The following DYNC2H1 variants were observed in gnomAD, a reference collection of about 807,000 sequenced individuals.
DYNC2H1 encodes dynein cytoplasmic 2 heavy chain 1.
In DYNC2H1, 410 loss-of-function variants were observed where a neutral mutation model predicts 570.0. The observed-to-expected ratio is 0.72, with a 90% CI of 0.66 to 0.78. The LOEUF is 0.78. Among genes scored for constraint, DYNC2H1 ranks in the 30% least tolerant of loss-of-function variants. The pLI, the probability that DYNC2H1 is intolerant of heterozygous loss-of-function variation, is 0.00. For missense variants in DYNC2H1, 4,865 were observed against 5,046.4 expected, an observed-to-expected ratio of 0.96 and a Z score of 1.09; for synonymous variants, 1,688 against 1,677.6, an observed-to-expected ratio of 1.01 and a Z score of -0.15.
At chr11:103,333,898 C>T (rs1182604130) in intron 82 of DYNC2H1, among the ~76,000 whole-genome samples, 2 of 152,008 alleles carry the variant, frequency 1.3e-5, no homozygotes, top group Non-Finnish European at 2.9e-5. Context: ...AAGTTCAACT[C>T]TAGGAGGTTT....
At position 103,186,474 on chromosome 11, in the gene DYNC2H1, T is replaced by C. The variant is rs1555061205; in HGVS notation, c.6866T>C (p.Leu2289Pro). ...LSSDTKQPFI[L>P]VGPEGCGKGM... ...TCTGATACTAAACAGCCCTTTATTC[T>C]GGTAGGACCAGAAGGATGTGGCAAA... The change falls in exon 42 of 89, where the codon CTG becomes CCG. Residue 2289 changes from leucine (L) to proline (P), a missense_variant. By Grantham distance (98) the Leu-to-Pro change is moderately conservative. Transcript: ENST00000375735. This position sits in a 1 kb window ranked among gnomAD's most constrained non-coding sequence, Gnocchi z 4.5. The C allele has an allele frequency of 6.2e-7, 1 of 1,611,598 alleles. No individual in the cohort carries two copies. The highest frequency in any genetic ancestry group is 8.5e-7 in the Non-Finnish European group (1 of 1,178,996).
intron 84 of DYNC2H1, chr11:103,404,587 T>C (rs1942781574): frequency 6.7e-6 from 1 of 148,718 alleles, no homozygotes; most frequent in Non-Finnish European, 1.5e-5. Flanking sequence ...AAGATTAAAT[T>C]AACACCTATA....
At chr11:103,126,761 C>T (rs1157914018) in intron 12 of DYNC2H1, among the ~76,000 whole-genome samples, 6 of 152,016 alleles carry the variant, frequency 3.9e-5, no homozygotes, top group Admixed American at 1.3e-4. Context: ...CTCAGCCTCC[C>T]GAGTAGCTGG....
At chr11:103,135,657 A>G (rs1258658262) in intron 16 of DYNC2H1, 23 bp downstream of exon 16, 6 of 1,608,306 alleles carry the variant, frequency 3.7e-6, no homozygotes, top group Non-Finnish European at 5.1e-6. Flanking sequence ...TTCAACCCCA[A>G]TTTAATGTTC....
chr11:103,377,641 G>T (rs775919787), intron 83 of DYNC2H1, among the ~76,000 whole-genome samples: 1 of 151,760 alleles, frequency 6.6e-6, no homozygotes, highest in Non-Finnish European at 1.5e-5. Context: ...TTTATTTCTA[G>T]TATGAATATG....
intron 82 of DYNC2H1, among the ~76,000 whole-genome samples, chr11:103,327,727 T>C (rs1938569172): frequency 6.6e-6 from 1 of 152,156 alleles, no homozygotes; most frequent in Non-Finnish European, 1.5e-5. Flanking sequence ...GCAAAGCAGC[T>C]ACCTATATAC....
rs969558462 is a variant in DYNC2H1 at position 103,243,982 on chromosome 11, G to C, written c.9918+191G>C. Among the ~76,000 whole-genome samples, 1 of 151,988 alleles carries C rather than the reference G, an allele frequency of 6.6e-6. No homozygotes were observed. The highest frequency in any genetic ancestry group is 6.6e-5 in the Admixed American group (1 of 15,248). Reference sequence around the variant, plus strand: ...AGATAAGAATATTTATTTGATTCTGGGTATTGATCTAAGCCCTGGGAATTT... The same window carrying C: ...AGATAAGAATATTTATTTGATTCTGCGTATTGATCTAAGCCCTGGGAATTT... On this transcript the variant is annotated intron_variant, in intron 64 of 88. Coordinates refer to ENST00000375735, the MANE Select transcript of DYNC2H1 (RefSeq NM_001377.3). This position sits in a 1 kb window ranked among gnomAD's most constrained non-coding sequence, Gnocchi z 4.8.
rs1860877085 is a variant in DYNC2H1 at position 103,157,203 on chromosome 11, T to A, written c.4127+433T>A. 6.6e-6 allele frequency among the ~76,000 whole-genome samples: 1 copy of A among 152,228 alleles called. No individual in the cohort carries two copies. The highest frequency in any genetic ancestry group is 2.1e-4 in the South Asian group (1 of 4,832). On this transcript the variant is annotated intron_variant, in intron 26 of 88. Coordinates refer to ENST00000375735, the MANE Select transcript of DYNC2H1 (RefSeq NM_001377.3). This position sits in a 1 kb window ranked among gnomAD's most constrained non-coding sequence, Gnocchi z 4.2. ...ACACATAGTTCCTAGTCCTTAGCTGTCTCCAAATCTTTAGATGTAGTCATT... is the reference window on the plus strand; with the variant it reads ...ACACATAGTTCCTAGTCCTTAGCTGACTCCAAATCTTTAGATGTAGTCATT...
At chr11:103,443,980 C>T (rs779606180) in intron 85 of DYNC2H1, among the ~76,000 whole-genome samples, 33 of 151,780 alleles carry the variant, frequency 2.2e-4, no homozygotes, top group Non-Finnish European at 4.1e-4. Context: ...AACAAAGTAA[C>T]TTACGATTAA....
chr11:103,150,212 T>C (rs565730632), intron 20 of DYNC2H1, among the ~76,000 whole-genome samples: 87 of 152,334 alleles, frequency 5.7e-4, no homozygotes, highest in Non-Finnish European at 1.5e-4. Context: ...AGAAAGTCTT[T>C]AGAGGGCTTT....
Position 103,245,357 on chromosome 11 carries a change from G to C in DYNC2H1, c.10025G>C (p.Arg3342Pro). 6.3e-7 allele frequency: 1 copy of C among 1,585,942 alleles called. No homozygotes were observed. Among genetic ancestry groups the C allele is most frequent in the Non-Finnish European group, 8.6e-7 (1 of 1,165,608 alleles). Residue 3342 changes from arginine (R) to proline (P), a missense_variant, in exon 65 of 89, where the codon CGA becomes CCA. Around this residue, in one of 5 missense-constraint regions of DYNC2H1, gnomAD observed 2,401 missense variants for 2,454.6 expected, o/e 0.98. Coordinates refer to ENST00000375735, the MANE Select transcript of DYNC2H1 (RefSeq NM_001377.3). This position sits in a 1 kb window ranked among gnomAD's most constrained non-coding sequence, Gnocchi z 4.5. Reference protein sequence around the residue: ...VEPVLYPLLRRDLVAQGPRYV... With the variant: ...VEPVLYPLLRPDLVAQGPRYV... ...CCTGTTCTTTATCCATTATTGAGAC[G>C]AGATCTGGTTGCTCAAGGTAAATAA... is the stretch of plus-strand genomic sequence containing the variant.
chr11:103,112,628 T>G (rs971822999), intron 1 of DYNC2H1, among the ~76,000 whole-genome samples: 3 of 152,226 alleles, frequency 2.0e-5, no homozygotes, highest in African/African-American at 7.2e-5. Context: ...TTATAAGCAT[T>G]TGAGCAGTAA....
intron 79 of DYNC2H1, among the ~76,000 whole-genome samples, chr11:103,313,399 T>A (rs1867684314): frequency 6.6e-6 from 1 of 152,232 alleles, no homozygotes; most frequent in African/African-American, 2.4e-5. Context: ...TCTTGCCAAA[T>A]GCTTCTCTCA....
chr11:103,154,397 C>A (rs1045541823), intron 22 of DYNC2H1, 54 bp from the exon 23 acceptor site: 28 of 1,405,478 alleles, frequency 2.0e-5, no homozygotes, highest in Admixed American at 5.8e-5. Flanking sequence ...TGATACTTAA[C>A]AGTATCAATA....
In DYNC2H1 at chr11:103,116,611, T is replaced by G. The variant is rs1465044830; in HGVS notation, c.663T>G (p.Val221=). 1 of 1,608,122 alleles carries G rather than the reference T, an allele frequency of 6.2e-7. No homozygotes were observed. The highest frequency in any genetic ancestry group is 2.2e-5 in the East Asian group (1 of 44,612). The change falls in exon 5 of 89, where the codon GTT becomes GTG. Residue 221 remains valine (V), a synonymous_variant. Transcript: ENST00000375735. Reference sequence around the variant, plus strand: ...ACAGTCTATCCTTACTAGAAGTTGTTGACTTGGTGGAGACTACTCAGGATG... The same window carrying G: ...ACAGTCTATCCTTACTAGAAGTTGTGGACTTGGTGGAGACTACTCAGGATG... The part of the protein sequence containing the change: ...NLDSLSLLEV[V]DLVETTQDVV...
chr11:103,372,706 T>C (rs1941222589), intron 83 of DYNC2H1, among the ~76,000 whole-genome samples: 1 of 152,184 alleles, frequency 6.6e-6, no homozygotes, highest in Non-Finnish European at 1.5e-5. Context: ...CTGTGTTTTT[T>C]CTTTGCTGTG....
intron 82 of DYNC2H1, among the ~76,000 whole-genome samples, chr11:103,349,178 C>T (rs2566927): frequency 0.48 from 72,969 of 151,936 alleles, 19,405 homozygotes; most frequent in Admixed American, 0.59. Flanking sequence ...TCTTTTATTT[C>T]CCTTGACCAA....
chr11:103,134,273 T>C (rs900986603), intron 14 of DYNC2H1, 48 bp from the exon 15 acceptor site: 1 of 1,565,876 alleles, frequency 6.4e-7, no homozygotes, highest in Non-Finnish European at 8.8e-7. Flanking sequence ...GAAAAGTTAC[T>C]ATTTTTCCAG....
intron 82 of DYNC2H1, among the ~76,000 whole-genome samples, chr11:103,342,185 A>G (rs1276343728): frequency 2.0e-5 from 3 of 147,114 alleles, no homozygotes; most frequent in South Asian, 2.2e-4. Flanking sequence ...AAAATGCATC[A>G]ATCAGTGCTG....
Sources: gnomAD v4.1 joint callset for allele counts (sites outside exome capture counted in the v4.1 genomes callset) on GRCh38, gnomAD v4.1.1 for gene constraint, gnomAD v4.1.1 regional missense constraint, Gnocchi (gnomAD v3.1) non-coding constraint, MANE v1.5 for transcripts, NCBI Gene and HGNC (gene_info 2026-07-23, HGNC 2026-07-21) for gene names.